The following TMEM255B variants were observed in gnomAD, a reference collection of about 807,000 sequenced individuals.
TMEM255B encodes family with sequence similarity 70, member B.
TMEM255B carries 35 observed loss-of-function variants against 34.5 expected under a neutral mutation model. That is an observed-to-expected ratio of 1.01 (90% CI 0.77 to 1.34). TMEM255B has a LOEUF of 1.34. Ranked by LOEUF, TMEM255B falls within the 40% of genes most tolerant of loss-of-function variation. The pLI is 0.00. For synonymous variants in TMEM255B, 206 were observed against 201.2 expected (o/e 1.02, Z -0.20); for missense variants, 432 against 433.2 (o/e 1.00, Z 0.02).
intron 7 of TMEM255B, among the ~76,000 whole-genome samples, chr13:113,802,060 G>A (rs1053164734): frequency 2.8e-4 from 43 of 152,224 alleles, no homozygotes; most frequent in Non-Finnish European, 4.3e-4. Context: ...GGGCACAGCC[G>A]TCCCCAAGAA....
At chr13:113,800,464 G>A (rs974397986) in intron 5 of TMEM255B, among the ~76,000 whole-genome samples, 59 of 152,146 alleles carry the variant, frequency 3.9e-4, no homozygotes, top group African/African-American at 1.4e-3. Flanking sequence ...CTGTTCTGCC[G>A]CCCTCCGGGC....
At chr13:113,789,878 T>C (rs1177948591) in intron 3 of TMEM255B, among the ~76,000 whole-genome samples, 1 of 152,158 alleles carries the variant, frequency 6.6e-6, no homozygotes, top group East Asian at 1.9e-4. Flanking sequence ...ATCCTAGCAC[T>C]GGACTGACCA....
At chr13:113,797,719 G>T (rs940824319) in intron 4 of TMEM255B, among the ~76,000 whole-genome samples, 1 of 152,246 alleles carries the variant, frequency 6.6e-6, no homozygotes, top group African/African-American at 2.4e-5. Context: ...ATTCTCATCT[G>T]TTGCAGTGTT....
chr13:113,796,288 GCCTCACACACCACACAGAGTACACA>G (rs2050933611), intron 4 of TMEM255B, among the ~76,000 whole-genome samples: 1 of 76,014 alleles, frequency 1.3e-5, no homozygotes, highest in Non-Finnish European at 2.6e-5. Context: ...CAGAGCACAC[GCCTCACACACCACACAGAGTACACA>G]CCTCACACAC....
chr13:113,807,523 C>CACA (rs2051201197), intron 8 of TMEM255B, among the ~76,000 whole-genome samples: 1 of 127,052 alleles, frequency 7.9e-6, no homozygotes, highest in African/African-American at 3.1e-5. Context: ...CCCTGTCACA[C>CACA]GCAGGCTTAC....
intron 3 of TMEM255B, among the ~76,000 whole-genome samples, chr13:113,794,607 T>G (rs1042554112): frequency 6.6e-6 from 1 of 151,486 alleles, no homozygotes; most frequent in Admixed American, 6.6e-5. Flanking sequence ...GTTTTTAGGG[T>G]TAGGGCAGGA....
Position 113,780,447 on chromosome 13 carries a change from C to T in TMEM255B, c.252+11287C>T, listed in dbSNP as rs113682222. Among the ~76,000 whole-genome samples the T allele has an allele frequency of 5.6e-3, 853 of 152,306 alleles. 14 individuals carry two copies. Among genetic ancestry groups the T allele is most frequent in the African/African-American group, 0.019 (810 of 41,568 alleles). On this transcript the variant is annotated intron_variant, in intron 3 of 8. Transcript: ENST00000375353. The stretch of plus-strand genomic sequence containing the variant: ...CAGGTAGAGAGGAACAAATAAGCTC[C>T]AAATTTTGCTCATGGGAGTATACTA...
intron 8 of TMEM255B, among the ~76,000 whole-genome samples, chr13:113,805,483 C>A (rs115388532): frequency 6.6e-6 from 1 of 152,128 alleles, no homozygotes; most frequent in South Asian, 2.1e-4. Flanking sequence ...TTGGAGATGA[C>A]GGAGGGAGAG....
chr13:113,772,616 T>C (rs1265921376), intron 3 of TMEM255B, among the ~76,000 whole-genome samples: 1 of 152,250 alleles, frequency 6.6e-6, no homozygotes, highest in Non-Finnish European at 1.5e-5. Flanking sequence ...CCCATGTTCA[T>C]GCATTTACGG....
chr13:113,762,058 G>A (rs949367563), intron 1 of TMEM255B, among the ~76,000 whole-genome samples: 17 of 150,636 alleles, frequency 1.1e-4, no homozygotes, highest in South Asian at 4.2e-4. Context: ...GCACTTAGGA[G>A]CACTTTAATT....
chr13:113,774,616 TACAC>T (rs1195595138), intron 3 of TMEM255B, among the ~76,000 whole-genome samples: 1 of 122,750 alleles, frequency 8.1e-6, no homozygotes, highest in Non-Finnish European at 1.7e-5. Context: ...CACCACACAA[TACAC>T]ACCACATATA....
At chr13:113,774,912 C>G (rs2050544860) in intron 3 of TMEM255B, among the ~76,000 whole-genome samples, 1 of 148,478 alleles carries the variant, frequency 6.7e-6, no homozygotes. Context: ...AACACACACT[C>G]CACACAATAC....
intron 4 of TMEM255B, among the ~76,000 whole-genome samples, chr13:113,797,611 A>G (rs965055806): frequency 9.9e-5 from 15 of 152,214 alleles, no homozygotes; most frequent in African/African-American, 2.4e-5. Context: ...AGAGACAGAG[A>G]CTTGTGTCTG....
intron 3 of TMEM255B, among the ~76,000 whole-genome samples, chr13:113,780,444 C>G (rs2050649157): frequency 6.6e-6 from 1 of 152,210 alleles, no homozygotes; most frequent in South Asian, 2.1e-4. Context: ...AACAAATAAG[C>G]TCCAAATTTT....
intron 3 of TMEM255B, among the ~76,000 whole-genome samples, chr13:113,782,278 T>C (rs1489258956): frequency 6.6e-6 from 1 of 152,232 alleles, no homozygotes; most frequent in Non-Finnish European, 1.5e-5. Context: ...GATACAAGTT[T>C]TAGAAAGAAT....
intron 3 of TMEM255B, among the ~76,000 whole-genome samples, chr13:113,792,402 C>G (rs140431680): frequency 1.3e-5 from 2 of 152,378 alleles, no homozygotes; most frequent in Admixed American, 1.3e-4. Context: ...CCCTGCACAT[C>G]GTGGCCTCTG....
At chr13:113,788,920 T>C (rs1375302913) in intron 3 of TMEM255B, among the ~76,000 whole-genome samples, 1 of 151,860 alleles carries the variant, frequency 6.6e-6, no homozygotes, top group Non-Finnish European at 1.5e-5. Flanking sequence ...TCATCCTGCC[T>C]CGTGGAGGCC....
intron 1 of TMEM255B, among the ~76,000 whole-genome samples, chr13:113,764,978 G>T (rs926281687): frequency 6.6e-6 from 1 of 152,204 alleles, no homozygotes; most frequent in Non-Finnish European, 1.5e-5. Flanking sequence ...CGGTGCAGTG[G>T]GTCCAAGACG....
At chr13:113,777,227 T>C (rs915501026) in intron 3 of TMEM255B, among the ~76,000 whole-genome samples, 1 of 152,114 alleles carries the variant, frequency 6.6e-6, no homozygotes, top group African/African-American at 2.4e-5. Context: ...GTGGTGCACT[T>C]TGGGGATCTC....
Sources: allele counts gnomAD v4.1 joint callset (sites outside exome capture counted in the v4.1 genomes callset), GRCh38; gene constraint gnomAD v4.1.1; transcripts MANE v1.5; gene names NCBI Gene and HGNC (gene_info 2026-07-23, HGNC 2026-07-21).